Variants in ZFTRAF1 observed in about 807,000 individuals in gnomAD.
The protein encoded by ZFTRAF1 is zinc finger TRAF-type-containing protein 1.
chr8:144,454,625 C>T, the ZFTRAF1 span: 1 of 152,372 alleles, frequency 6.6e-6, no homozygotes, highest in Non-Finnish European at 1.5e-5. Context: ...GACCTGGGAC[C>T]CTCTTGAGAA....
At chr8:144,461,578 G>A in the ZFTRAF1 span, among the ~76,000 whole-genome samples, 2 of 152,206 alleles carry the variant, frequency 1.3e-5, no homozygotes, top group Non-Finnish European at 2.9e-5. Context: ...GGCCTGGCCT[G>A]GGTGAGGTGG....
chr8:144,462,073 G>A, the ZFTRAF1 span, among the ~76,000 whole-genome samples: 6 of 152,316 alleles, frequency 3.9e-5, no homozygotes, highest in Non-Finnish European at 5.9e-5. Context: ...GGTCCCGAGC[G>A]GAAAATAAAG....
the ZFTRAF1 span, among the ~76,000 whole-genome samples, chr8:144,460,439 G>A: frequency 6.6e-6 from 1 of 152,246 alleles, no homozygotes; most frequent in South Asian, 2.1e-4. Flanking sequence ...GGGGGATGCA[G>A]TGCACCAGGG....
the ZFTRAF1 span, chr8:144,452,577 G>A: frequency 8.1e-5 from 125 of 1,535,640 alleles, no homozygotes; most frequent in African/African-American, 1.7e-3. Flanking sequence ...TACCCTGGGG[G>A]AGGCAGGTAC....
the ZFTRAF1 span, among the ~76,000 whole-genome samples, chr8:144,458,854 T>C: frequency 3.9e-5 from 6 of 152,222 alleles, no homozygotes; most frequent in Non-Finnish European, 5.9e-5. Flanking sequence ...GGCAGGGCAC[T>C]GTGCAGGGCC....
the ZFTRAF1 span, chr8:144,462,226 C>T: frequency 6.4e-6 from 3 of 472,140 alleles, no homozygotes; most frequent in Non-Finnish European, 1.1e-5. Context: ...CCTGGGGCCC[C>T]GCGGCGGGGG....
the ZFTRAF1 span, chr8:144,455,764 C>T: frequency 6.6e-6 from 1 of 152,260 alleles, no homozygotes; most frequent in East Asian, 1.9e-4. Context: ...CCCACCAAGG[C>T]CACCTGGCCT....
the ZFTRAF1 span, chr8:144,450,568 G>A: frequency 2.8e-6 from 2 of 718,250 alleles, no homozygotes; most frequent in East Asian, 5.4e-5. Flanking sequence ...GCAGCAGGAA[G>A]GAGCACTCCA....
At chr8:144,461,630 G>C in the ZFTRAF1 span, among the ~76,000 whole-genome samples, 62 of 152,318 alleles carry the variant, frequency 4.1e-4, 2 homozygotes, top group East Asian at 0.011. Context: ...AGTTGGATGT[G>C]GGGTTTGGCT....
chr8:144,453,962 C>T, the ZFTRAF1 span: 1 of 157,914 alleles, frequency 6.3e-6, no homozygotes, highest in African/African-American at 2.4e-5. Context: ...CAGGGTGAGC[C>T]CAGGTGAGAG....
At chr8:144,452,583 G>C in the ZFTRAF1 span, 1 of 1,534,388 alleles carries the variant, frequency 6.5e-7, no homozygotes, top group Non-Finnish European at 8.7e-7. Flanking sequence ...GGGGGAGGCA[G>C]GTACATCACT....
the ZFTRAF1 span, chr8:144,451,477 T>C: frequency 6.5e-6 from 1 of 153,388 alleles, no homozygotes; most frequent in Non-Finnish European, 1.5e-5. Flanking sequence ...CACCACGGGC[T>C]GTGGCTGCCG....
At chr8:144,451,825 C>T in the ZFTRAF1 span, 13 of 201,968 alleles carry the variant, frequency 6.4e-5, no homozygotes, top group East Asian at 1.3e-3. Flanking sequence ...TGTCCACTCC[C>T]GGTTCTACAG....
the ZFTRAF1 span, chr8:144,462,275 G>A: frequency 1.8e-6 from 1 of 570,252 alleles, no homozygotes; most frequent in Non-Finnish European, 3.1e-6. Flanking sequence ...GTCGGCCGGC[G>A]GCCCTACCTG....
At chr8:144,457,861 C>G in the ZFTRAF1 span, 1 of 152,298 alleles carries the variant, frequency 6.6e-6, no homozygotes, top group South Asian at 2.1e-4. Context: ...GCACAGTGCC[C>G]AGGCCCATGG....
At chr8:144,450,036 C>T in the ZFTRAF1 span, 8 of 334,588 alleles carry the variant, frequency 2.4e-5, no homozygotes, top group Admixed American at 4.2e-5. Context: ...GGAGCAGCAC[C>T]GCCGCCTGAC....
chr8:144,459,116 G>A, the ZFTRAF1 span, among the ~76,000 whole-genome samples: 5 of 152,248 alleles, frequency 3.3e-5, no homozygotes, highest in African/African-American at 1.2e-4. Flanking sequence ...AGAAGTCAGG[G>A]ATGAGGCTGC....
At chr8:144,458,958 G>A in the ZFTRAF1 span, among the ~76,000 whole-genome samples, 2 of 152,272 alleles carry the variant, frequency 1.3e-5, no homozygotes, top group Non-Finnish European at 2.9e-5. Flanking sequence ...AATGCCCCAT[G>A]AGGGGTGGGA....
the ZFTRAF1 span, among the ~76,000 whole-genome samples, chr8:144,461,368 G>A: frequency 6.6e-6 from 1 of 152,326 alleles, no homozygotes; most frequent in Non-Finnish European, 1.5e-5. Context: ...CACAGGGAAG[G>A]TGGGGACACT....
Sources: allele counts gnomAD v4.1 joint callset (sites outside exome capture counted in the v4.1 genomes callset), GRCh38; gene constraint gnomAD v4.1.1; transcripts MANE v1.5; gene names NCBI Gene and HGNC (gene_info 2026-07-23, HGNC 2026-07-21).